The following CPAP variants were observed in gnomAD, a reference collection of about 807,000 sequenced individuals.
CPAP encodes centrosome assembly and centriole elongation protein, also known as centrosomal P4.1-associated protein.
chr13:24,883,348 C>T, the CPAP span: 2 of 1,611,666 alleles, frequency 1.2e-6, no homozygotes, highest in South Asian at 1.1e-5. Context: ...CATTATTAAA[C>T]TCTATGAGTT....
At chr13:24,912,615 AG>A in the CPAP span, 1 of 1,613,784 alleles carries the variant, frequency 6.2e-7, no homozygotes, top group East Asian at 2.2e-5. Flanking sequence ...GGTCTTTATA[AG>A]CCCCTTCTTT....
chr13:24,932,895 A>AT, the CPAP span: 1 of 695,242 alleles, frequency 1.4e-6, no homozygotes, highest in Admixed American at 2.4e-5. Flanking sequence ...CATGATTACA[A>AT]TGTTTCTTAA....
At chr13:24,910,021 C>A in the CPAP span, 138 of 1,613,924 alleles carry the variant, frequency 8.6e-5, no homozygotes, top group Admixed American at 1.0e-4. Context: ...GTGGCTCTCT[C>A]TCCAGTGGTG....
chr13:24,901,542 G>C, the CPAP span, among the ~76,000 whole-genome samples: 1 of 152,170 alleles, frequency 6.6e-6, no homozygotes, highest in Non-Finnish European at 1.5e-5. Flanking sequence ...TACATATGAC[G>C]ATATTCCCTG....
chr13:24,887,147 A>G, the CPAP span, among the ~76,000 whole-genome samples: 1 of 152,228 alleles, frequency 6.6e-6, no homozygotes, highest in East Asian at 1.9e-4. Context: ...AGCACTGCCC[A>G]AAGGGAAAAA....
chr13:24,908,548 G>T, the CPAP span, among the ~76,000 whole-genome samples: 2 of 151,352 alleles, frequency 1.3e-5, no homozygotes, highest in Non-Finnish European at 2.9e-5. Flanking sequence ...AGCCAAGATG[G>T]TGCCACTGGA....
chr13:24,913,805 T>A, the CPAP span, among the ~76,000 whole-genome samples: 2 of 152,264 alleles, frequency 1.3e-5, no homozygotes, highest in Non-Finnish European at 2.9e-5. Context: ...GAAAATTACA[T>A]TGGCTCATGC....
the CPAP span, among the ~76,000 whole-genome samples, chr13:24,887,802 A>C: frequency 6.6e-6 from 1 of 152,182 alleles, no homozygotes; most frequent in African/African-American, 2.4e-5. Context: ...AAGGTTGGGG[A>C]CTGCTAAGGT....
chr13:24,923,737 C>T, the CPAP span, among the ~76,000 whole-genome samples: 9 of 152,194 alleles, frequency 5.9e-5, no homozygotes, highest in Non-Finnish European at 1.0e-4. Flanking sequence ...ATTTGGTCCT[C>T]CAAAATTTGT....
chr13:24,931,581 C>A, the CPAP span, among the ~76,000 whole-genome samples: 19,243 of 152,030 alleles, frequency 0.13, 1,318 homozygotes, highest in Non-Finnish European at 0.15. Flanking sequence ...TTATTCAGTA[C>A]CCTAAAAATC....
chr13:24,904,038 C>T, the CPAP span: 1 of 1,613,948 alleles, frequency 6.2e-7, no homozygotes, highest in Non-Finnish European at 8.5e-7. Flanking sequence ...TCTCTCAAAA[C>T]CTGGGATCGA....
At chr13:24,932,316 A>T in the CPAP span, among the ~76,000 whole-genome samples, 10 of 152,364 alleles carry the variant, frequency 6.6e-5, no homozygotes, top group Admixed American at 2.6e-4. Context: ...TTCTAGTAAA[A>T]ATAGAAAAAA....
the CPAP span, among the ~76,000 whole-genome samples, chr13:24,919,148 A>T: frequency 6.6e-6 from 1 of 152,250 alleles, no homozygotes; most frequent in African/African-American, 2.4e-5. Flanking sequence ...AGATTTAAAA[A>T]GATATTTTAA....
the CPAP span, among the ~76,000 whole-genome samples, chr13:24,918,701 A>G: frequency 1.3e-4 from 20 of 152,356 alleles, no homozygotes; most frequent in Non-Finnish European, 7.3e-5. Context: ...TCTAAAAAAC[A>G]TAAACATATG....
At chr13:24,884,971 A>G in the CPAP span, among the ~76,000 whole-genome samples, 3 of 152,242 alleles carry the variant, frequency 2.0e-5, no homozygotes, top group Admixed American at 6.5e-5. Context: ...CATAAGAATA[A>G]AACTGTGCTA....
the CPAP span, among the ~76,000 whole-genome samples, chr13:24,885,096 T>TGGAGTAAGAACAAAGATCATA: frequency 6.6e-6 from 1 of 152,238 alleles, no homozygotes; most frequent in Non-Finnish European, 1.5e-5. Flanking sequence ...ACAAAGGCTT[T>TGGAGTAAGAACAAAGATCATA]GGAGTAAGAA....
chr13:24,926,577 A>T, the CPAP span, among the ~76,000 whole-genome samples: 1 of 152,088 alleles, frequency 6.6e-6, no homozygotes, highest in Non-Finnish European at 1.5e-5. Context: ...GGAACCATCC[A>T]CCTACCTGAC....
At chr13:24,911,638 G>A in the CPAP span, among the ~76,000 whole-genome samples, 1 of 151,554 alleles carries the variant, frequency 6.6e-6, no homozygotes, top group Non-Finnish European at 1.5e-5. Flanking sequence ...CTGGGCTCAA[G>A]CAATCCTCCC....
At chr13:24,911,468 C>T in the CPAP span, among the ~76,000 whole-genome samples, 5 of 152,276 alleles carry the variant, frequency 3.3e-5, no homozygotes, top group African/African-American at 9.6e-5. Context: ...TGACACCCAA[C>T]AGTTTTCATT....
Sources: allele counts gnomAD v4.1 joint callset (sites outside exome capture counted in the v4.1 genomes callset), GRCh38; gene constraint gnomAD v4.1.1; transcripts MANE v1.5; gene names NCBI Gene and HGNC (gene_info 2026-07-23, HGNC 2026-07-21).